SPTLC1: variants seen among roughly 807,000 people sequenced by gnomAD.
The protein encoded by SPTLC1 is serine palmitoyltransferase long chain base subunit 1.
A neutral mutation model predicts 68.9 loss-of-function variants in SPTLC1; 55 were observed. That is an observed-to-expected ratio of 0.80 (90% CI 0.64 to 1.00). The LOEUF is 1.00. Ranked by LOEUF, SPTLC1 falls within the 50% of genes least tolerant of loss-of-function variation. SPTLC1 has a pLI of 0.00. For missense variants in SPTLC1, 449 were observed against 573.1 expected (o/e 0.78, Z 2.21); for synonymous variants, 197 against 201.6 (o/e 0.98, Z 0.19).
intron 3 of SPTLC1, among the ~76,000 whole-genome samples, chr9:92,098,883 C>T (rs1835640663): frequency 6.9e-6 from 1 of 145,400 alleles, no homozygotes; most frequent in South Asian, 2.1e-4. Context: ...AGGAGTGGAG[C>T]AGGAGAAAGA....
chr9:92,064,845 C>G (rs1379387537), intron 6 of SPTLC1, among the ~76,000 whole-genome samples: 1 of 152,156 alleles, frequency 6.6e-6, no homozygotes, highest in African/African-American at 2.4e-5. Flanking sequence ...ATGAAAAAAG[C>G]CAACCCCAAA....
chr9:92,105,223 A>C (rs1835913632), intron 3 of SPTLC1: 1 of 1,534,028 alleles, frequency 6.5e-7, no homozygotes, highest in South Asian at 1.2e-5. Context: ...CTCCCCTGCA[A>C]CTGAGGTGGG....
At position 92,047,179 on chromosome 9, in the gene SPTLC1, C is replaced by A. The variant is rs772769983; in HGVS notation, c.1074G>T (p.Glu358Asp). 2.5e-6 allele frequency: 4 copies of A among 1,613,456 alleles called. No homozygotes were observed. The East Asian group carries it at 8.9e-5, about 36-fold the overall frequency. The stretch of plus-strand genomic sequence containing the variant: ...GTTTTTAAAGGGTTATACCTGGATT[C>A]TCTTCCATGATGTTGAGGGCCTCAA... ...AAIEALNIME[E>D]NPGIFAVLKE... Residue 358 changes from glutamate to aspartate, a missense_variant, in exon 11 of 15, where the codon GAG (glutamate) becomes GAT (aspartate). Around this residue, in one of 3 missense-constraint regions of SPTLC1, gnomAD observed 391 missense variants for 472.1 expected, o/e 0.83. Transcript: ENST00000262554.
intron 11 of SPTLC1, 64 bp from the exon 12 acceptor site, chr9:92,046,117 T>C: frequency 1.5e-6 from 2 of 1,332,508 alleles, no homozygotes; most frequent in Non-Finnish European, 2.1e-6. Context: ...CCTAAAAATA[T>C]TTTTGAAGAC....
intron 3 of SPTLC1, among the ~76,000 whole-genome samples, chr9:92,092,981 C>T (rs1374207306): frequency 6.6e-6 from 1 of 152,166 alleles, no homozygotes; most frequent in Admixed American, 6.5e-5. Context: ...ATAAGGAATA[C>T]GTACTTTATT....
intron 8 of SPTLC1, 114 bp from the exon 9 acceptor site, chr9:92,050,181 T>G: frequency 4.2e-6 from 3 of 721,398 alleles, no homozygotes; most frequent in South Asian, 1.6e-5. Context: ...ACTTGTGAAT[T>G]CTATATGTGC....
At chr9:92,072,693 TA>T (rs1229744779) in intron 5 of SPTLC1, among the ~76,000 whole-genome samples, 1 of 152,078 alleles carries the variant, frequency 6.6e-6, no homozygotes, top group Non-Finnish European at 1.5e-5. Context: ...GGCCCCAATA[TA>T]AATTAGACAA....
chr9:92,100,782 A>G (rs12337180), intron 3 of SPTLC1, among the ~76,000 whole-genome samples: 28,134 of 151,152 alleles, frequency 0.19, 4,572 homozygotes, highest in African/African-American at 0.43. Context: ...ACATGCTCCT[A>G]CAGCCTAGGT....
chr9:92,081,912 T>C (rs768602250), intron 3 of SPTLC1, among the ~76,000 whole-genome samples: 5 of 152,160 alleles, frequency 3.3e-5, no homozygotes, highest in Non-Finnish European at 5.9e-5. Flanking sequence ...AAAACACAGA[T>C]GCTGGGAAAC....
chr9:92,039,019 C>T (rs1311126320), intron 12 of SPTLC1, among the ~76,000 whole-genome samples: 1 of 152,136 alleles, frequency 6.6e-6, no homozygotes, highest in Non-Finnish European at 1.5e-5. Context: ...TGGTGGCTTG[C>T]GCCTGTAGTC....
chr9:92,104,383 C>T, intron 3 of SPTLC1: 1 of 1,399,770 alleles, frequency 7.1e-7, no homozygotes, highest in Non-Finnish European at 9.3e-7. Context: ...CCGTCAGCGA[C>T]ATCTTGGGCC....
intron 13 of SPTLC1, among the ~76,000 whole-genome samples, chr9:92,037,246 C>T (rs1356702365): frequency 2.0e-5 from 3 of 152,184 alleles, no homozygotes; most frequent in Admixed American, 6.5e-5. Flanking sequence ...CAGGACAGGG[C>T]CTGGCCTAGG....
At chr9:92,050,143 T>A in intron 8 of SPTLC1, 76 bp from the exon 9 acceptor site, 1 of 943,200 alleles carries the variant, frequency 1.1e-6, no homozygotes, top group Non-Finnish European at 1.7e-6. Context: ...AAATTAAGAT[T>A]AAAAAGTATG....
chr9:92,074,148 C>T (rs1380674526), intron 5 of SPTLC1, among the ~76,000 whole-genome samples: 1 of 152,138 alleles, frequency 6.6e-6, no homozygotes, highest in Non-Finnish European at 1.5e-5. Flanking sequence ...CTTCGGGTAA[C>T]TCTTACAGTG....
chr9:92,080,784 C>A (rs1834854280), intron 4 of SPTLC1, 86 bp downstream of exon 4: 3 of 1,097,398 alleles, frequency 2.7e-6, no homozygotes, highest in African/African-American at 1.6e-5. Flanking sequence ...AAGTGATCCA[C>A]CACGCCCAGC....
chr9:92,037,559 A>T (rs1044432283), intron 13 of SPTLC1, among the ~76,000 whole-genome samples: 1 of 152,020 alleles, frequency 6.6e-6, no homozygotes, highest in Admixed American at 6.6e-5. Flanking sequence ...CCCCCTTTTA[A>T]AGAAACTTCT....
chr9:92,095,945 G>A (rs1053682724), intron 3 of SPTLC1, among the ~76,000 whole-genome samples: 2 of 152,218 alleles, frequency 1.3e-5, no homozygotes, highest in African/African-American at 4.8e-5. Flanking sequence ...ACAACAGGCA[G>A]TCACTCCCCT....
chr9:92,053,706 A>G (rs1444107081), intron 8 of SPTLC1, among the ~76,000 whole-genome samples: 1 of 152,262 alleles, frequency 6.6e-6, no homozygotes, highest in Non-Finnish European at 1.5e-5. Flanking sequence ...AAATAACCAG[A>G]AAAGGTAAAT....
At chr9:92,099,702 A>C (rs1835676436) in intron 3 of SPTLC1, among the ~76,000 whole-genome samples, 1 of 152,022 alleles carries the variant, frequency 6.6e-6, no homozygotes, top group African/African-American at 2.4e-5. Flanking sequence ...GGCTGGTCTC[A>C]AATTCCTGGG....
Sources: gnomAD v4.1 joint callset for allele counts (sites outside exome capture counted in the v4.1 genomes callset) on GRCh38, gnomAD v4.1.1 for gene constraint, gnomAD v4.1.1 regional missense constraint, MANE v1.5 for transcripts, NCBI Gene and HGNC (gene_info 2026-07-23, HGNC 2026-07-21) for gene names.